The following SNX29 variants were observed in gnomAD, a reference collection of about 807,000 sequenced individuals.
SNX29 encodes sorting nexin 29, also known as sorting nexin-29.
In SNX29, 78 loss-of-function variants were observed where a neutral mutation model predicts 102.1. The ratio of observed to expected loss-of-function variants is 0.76; its 90% CI spans 0.64 to 0.92. The LOEUF (loss-of-function observed/expected upper bound fraction) is 0.92. Among genes scored for constraint, SNX29 ranks in the 40% least tolerant of loss-of-function variants. SNX29 has a pLI of 0.00. For synonymous variants in SNX29, 580 were observed against 414.5 expected, an observed-to-expected ratio of 1.40 and a Z score of -4.85; for missense variants, 1,280 against 1,061.7, an observed-to-expected ratio of 1.21 and a Z score of -2.86.
chr16:12,234,432 GTA>G (rs1567340437), intron 14 of SNX29, among the ~76,000 whole-genome samples: 2 of 151,798 alleles, frequency 1.3e-5, no homozygotes, highest in African/African-American at 4.8e-5. Context: ...TTGTTGAGTT[GTA>G]TGAGTTCTTT....
chr16:12,396,512 C>A (rs1223309072), intron 16 of SNX29, among the ~76,000 whole-genome samples: 2 of 152,200 alleles, frequency 1.3e-5, no homozygotes, highest in Non-Finnish European at 2.9e-5. Flanking sequence ...CCCAGAAGAG[C>A]TTTTCCCAGC....
intron 11 of SNX29, chr16:12,090,443 G>C (rs1416476741): frequency 1.3e-5 from 2 of 152,274 alleles, no homozygotes; most frequent in Non-Finnish European, 2.9e-5. Flanking sequence ...TTGATGGTAG[G>C]TGGTGGCGTT....
intron 3 of SNX29, among the ~76,000 whole-genome samples, chr16:12,012,774 T>C (rs765056803): frequency 3.3e-5 from 5 of 152,062 alleles, no homozygotes; most frequent in Non-Finnish European, 5.9e-5. Flanking sequence ...CTATGTTCCA[T>C]CTGAGCCAGA....
chr16:12,561,714 T>G (rs1243692732), intron 20 of SNX29, among the ~76,000 whole-genome samples: 1 of 152,114 alleles, frequency 6.6e-6, no homozygotes, highest in Non-Finnish European at 1.5e-5. Flanking sequence ...CAGTGCTGTG[T>G]TAAGTTGCTA....
chr16:12,338,259 A>AG (rs2081510328), intron 15 of SNX29, among the ~76,000 whole-genome samples: 1 of 152,104 alleles, frequency 6.6e-6, no homozygotes, highest in East Asian at 1.9e-4. Context: ...AGACTTTCTT[A>AG]AGCAGTGTGG....
chr16:12,393,677 G>T (rs2083618866), intron 16 of SNX29, among the ~76,000 whole-genome samples: 1 of 152,228 alleles, frequency 6.6e-6, no homozygotes, highest in Non-Finnish European at 1.5e-5. Context: ...TATTTTGGCT[G>T]AGTCTTAGAT....
At chr16:12,186,952 G>C (rs2076525420) in intron 13 of SNX29, among the ~76,000 whole-genome samples, 1 of 152,226 alleles carries the variant, frequency 6.6e-6, no homozygotes, top group South Asian at 2.1e-4. Flanking sequence ...GTAGCACTCA[G>C]TGGCCGGGGC....
At chr16:12,342,531 G>A (rs2081639850) in intron 15 of SNX29, among the ~76,000 whole-genome samples, 1 of 152,188 alleles carries the variant, frequency 6.6e-6, no homozygotes, top group Admixed American at 6.5e-5. Flanking sequence ...TGTAATGTCT[G>A]TGGGGCTTAA....
chr16:12,438,540 A>G (rs2151658851), intron 18 of SNX29, among the ~76,000 whole-genome samples: 1 of 152,338 alleles, frequency 6.6e-6, no homozygotes. Context: ...AGATTTGGAC[A>G]TTCTTTTAAC....
At chr16:12,077,385 T>TGG (rs1221022268) in intron 10 of SNX29, among the ~76,000 whole-genome samples, 4 of 117,958 alleles carry the variant, frequency 3.4e-5, no homozygotes, top group South Asian at 3.1e-4. Flanking sequence ...CTCCTAGTCA[T>TGG]GGTGTGTGTG....
intron 18 of SNX29, among the ~76,000 whole-genome samples, chr16:12,470,471 G>A (rs755250319): frequency 1.3e-5 from 2 of 152,196 alleles, no homozygotes; most frequent in Non-Finnish European, 2.9e-5. Flanking sequence ...GGGGGCTTGC[G>A]TGGCAGGGAC....
At chr16:12,435,174 C>G (rs1265882085) in intron 18 of SNX29, among the ~76,000 whole-genome samples, 2 of 152,178 alleles carry the variant, frequency 1.3e-5, no homozygotes, top group African/African-American at 4.8e-5. Context: ...GCCTCTCCGT[C>G]TTTCTTCCTC....
At chr16:12,527,581 G>A (rs2269447) in intron 20 of SNX29, among the ~76,000 whole-genome samples, 37,705 of 151,864 alleles carry the variant, frequency 0.25, 5,097 homozygotes, top group East Asian at 0.58. Flanking sequence ...ATCTCATCTC[G>A]TCTTCTGGAG....
Position 11,988,175 on chromosome 16 carries a change from T to TC in SNX29, c.8-11119dup, listed in dbSNP as rs1274929349. ...TGGGTGTGGTGGCGGGTGCCTGTAATCCCAGCTACTCAGGAGGCTGAGGCA... is the reference window on the plus strand; with the variant it reads ...TGGGTGTGGTGGCGGGTGCCTGTAATCCCCAGCTACTCAGGAGGCTGAGGCA... On this transcript the variant is annotated intron_variant, in intron 1 of 20. Coordinates refer to ENST00000566228, the MANE Select transcript of SNX29 (RefSeq NM_032167.5). Among the ~76,000 whole-genome samples the TC allele has an allele frequency of 1.3e-4, 19 of 151,498 alleles. No homozygotes were observed. In the South Asian group the frequency reaches 1.7e-3, roughly 13 times the overall value.
chr16:12,453,169 G>T (rs2086381920), intron 18 of SNX29, among the ~76,000 whole-genome samples: 1 of 152,192 alleles, frequency 6.6e-6, no homozygotes, highest in South Asian at 2.1e-4. Context: ...CTCTGAAACA[G>T]GAATGTTACA....
chr16:12,564,528 A>C (rs1423245023), intron 20 of SNX29, among the ~76,000 whole-genome samples: 1 of 152,158 alleles, frequency 6.6e-6, no homozygotes, highest in African/African-American at 2.4e-5. Flanking sequence ...TCTGACTCTG[A>C]ATATGGAGTT....
At chr16:12,362,437 A>G (rs1003887753) in intron 16 of SNX29, among the ~76,000 whole-genome samples, 1 of 152,158 alleles carries the variant, frequency 6.6e-6, no homozygotes, top group Non-Finnish European at 1.5e-5. Context: ...TTTGAGGCTC[A>G]AAATCCTTTC....
At chr16:12,068,964 GC>G in intron 9 of SNX29, 92 bp from the exon 10 acceptor site, 1 of 1,176,482 alleles carries the variant, frequency 8.5e-7, no homozygotes, top group Non-Finnish European at 1.2e-6. Context: ...AAGTGATGTA[GC>G]AGATGAGCCA....
intron 11 of SNX29, among the ~76,000 whole-genome samples, chr16:12,100,767 C>G (rs1023729375): frequency 1.3e-5 from 2 of 151,578 alleles, no homozygotes; most frequent in Non-Finnish European, 2.9e-5. Flanking sequence ...AGCTTTCACC[C>G]TGAGTGAGTA....
Sources: gnomAD v4.1 joint callset for allele counts (sites outside exome capture counted in the v4.1 genomes callset) on GRCh38, gnomAD v4.1.1 for gene constraint, MANE v1.5 for transcripts, NCBI Gene and HGNC (gene_info 2026-07-23, HGNC 2026-07-21) for gene names.